PIAS1: variants seen among roughly 807,000 people sequenced by gnomAD.
PIAS1 encodes the protein protein inhibitor of activated STAT 1, also known as E3 SUMO-protein ligase PIAS1.
Under a neutral mutation model 71.3 loss-of-function variants are expected in PIAS1, and 6 were observed. The observed-to-expected ratio is 0.08, with a 90% CI of 0.05 to 0.17. The LOEUF (loss-of-function observed/expected upper bound fraction) is 0.17, where lower values mean the gene tolerates loss of function less well. Among genes scored for constraint, PIAS1 ranks in the 10% least tolerant of loss-of-function variants. The pLI is 1.00. For synonymous variants in PIAS1, 303 were observed against 292.9 expected, an observed-to-expected ratio of 1.03 and a Z score of -0.35; for missense variants, 555 against 793.6, an observed-to-expected ratio of 0.70 and a Z score of 3.61.
At chr15:68,077,471 C>T (rs575014919) in intron 1 of PIAS1, among the ~76,000 whole-genome samples, 5 of 152,192 alleles carry the variant, frequency 3.3e-5, no homozygotes, top group African/African-American at 9.6e-5. Context: ...ACCAAGAGGA[C>T]GAAATTTTAG....
rs927428754 is a variant in PIAS1 at position 68,189,848 on chromosome 15, G to A, written c.*2013G>A. ...GAATCTGGCATTATAGTGAGCAAATGTCGTATTAATTTAGGCTAATTTCTA... is the reference window on the plus strand; with the variant it reads ...GAATCTGGCATTATAGTGAGCAAATATCGTATTAATTTAGGCTAATTTCTA... On this transcript the variant is annotated 3_prime_UTR_variant, in exon 14 of 14. Coordinates refer to ENST00000249636, the MANE Select transcript of PIAS1 (RefSeq NM_016166.3). The A allele has an allele frequency of 2.0e-5, 3 of 152,084 alleles. No individual in the cohort carries two copies. Among genetic ancestry groups the A allele is most frequent in the Non-Finnish European group, 4.4e-5 (3 of 68,000 alleles). 9.4% of individuals were successfully genotyped at this position (152,084 alleles called of 1,614,324 possible).
intron 7 of PIAS1, among the ~76,000 whole-genome samples, chr15:68,160,205 C>T (rs2092915697): frequency 6.6e-6 from 1 of 152,094 alleles, no homozygotes; most frequent in East Asian, 1.9e-4. Flanking sequence ...GTCACAAACA[C>T]TCTCTTCTAT....
chr15:68,099,390 A>T (rs1169244071), intron 2 of PIAS1, among the ~76,000 whole-genome samples: 5 of 150,726 alleles, frequency 3.3e-5, no homozygotes, highest in Non-Finnish European at 5.9e-5. Flanking sequence ...TACTTTTTCC[A>T]TTGTGATTGT....
chr15:68,070,600 G>C (rs935755650), intron 1 of PIAS1, among the ~76,000 whole-genome samples: 3 of 152,116 alleles, frequency 2.0e-5, no homozygotes, highest in African/African-American at 7.2e-5. Flanking sequence ...TGGGTATTGA[G>C]AACTTGAAAT....
chr15:68,146,969 A>C (rs2092812036), intron 6 of PIAS1, among the ~76,000 whole-genome samples: 1 of 152,172 alleles, frequency 6.6e-6, no homozygotes, highest in South Asian at 2.1e-4. Flanking sequence ...TGATGATATC[A>C]TATTCCAATA....
At chr15:68,182,490 C>CGTGTGTGTGTGTGTGT (rs67774530) in intron 12 of PIAS1, among the ~76,000 whole-genome samples, 9,201 of 123,308 alleles carry the variant, frequency 0.075, 1,344 homozygotes, top group Middle Eastern at 0.091. Context: ...GCTCAGGCTG[C>CGTGTGTGTGTGTGTGT]GTGTGTGTGT....
chr15:68,145,978 T>G, intron 5 of PIAS1, 72 bp downstream of exon 5: 4 of 895,476 alleles, frequency 4.5e-6, no homozygotes. Context: ...CAACTGTTGT[T>G]AAATCATAGT....
intron 2 of PIAS1, among the ~76,000 whole-genome samples, chr15:68,127,376 T>A (rs537621753): frequency 6.6e-6 from 1 of 152,332 alleles, no homozygotes; most frequent in East Asian, 1.9e-4. Context: ...GGGGATCTGA[T>A]AACTTCATAA....
intron 1 of PIAS1, among the ~76,000 whole-genome samples, chr15:68,084,620 T>A (rs1395817109): frequency 6.6e-6 from 1 of 152,208 alleles, no homozygotes; most frequent in African/African-American, 2.4e-5. Flanking sequence ...CTGTAGATGC[T>A]ACCTCCCACC....
At chr15:68,135,044 C>T (rs1174556690) in intron 2 of PIAS1, among the ~76,000 whole-genome samples, 118 of 31,852 alleles carry the variant, frequency 3.7e-3, no homozygotes, top group African/African-American at 5.4e-3. Flanking sequence ...TAGGGGCGGC[C>T]GGGCAGAGGC....
intron 2 of PIAS1, among the ~76,000 whole-genome samples, chr15:68,134,568 G>A (rs2092707684): frequency 2.1e-5 from 1 of 47,840 alleles, no homozygotes; most frequent in Non-Finnish European, 8.9e-5. Context: ...AGGGGCGGCC[G>A]GGCAGAGGCG....
At chr15:68,068,475 G>T (rs1475836940) in intron 1 of PIAS1, among the ~76,000 whole-genome samples, 1 of 151,996 alleles carries the variant, frequency 6.6e-6, no homozygotes, top group East Asian at 1.9e-4. Flanking sequence ...TTTTGAGACT[G>T]AGTTTGCACT....
At chr15:68,055,731 G>A (rs1347213211) in intron 1 of PIAS1, 2 of 502,324 alleles carry the variant, frequency 4.0e-6, no homozygotes, top group East Asian at 6.0e-5. Flanking sequence ...TTTGGGGAGA[G>A]TCTTCTTTTT....
intron 2 of PIAS1, among the ~76,000 whole-genome samples, chr15:68,135,131 G>A (rs1214725202): frequency 1.6e-3 from 73 of 46,608 alleles, no homozygotes; most frequent in East Asian, 2.2e-3. Context: ...CGGGGCGGCT[G>A]GCCTGGCGGG....
At chr15:68,168,640 T>G (rs1172115624) in intron 8 of PIAS1, among the ~76,000 whole-genome samples, 1 of 152,020 alleles carries the variant, frequency 6.6e-6, no homozygotes, top group Non-Finnish European at 1.5e-5. Context: ...AAAATCGATA[T>G]CTGTTTTTCA....
At chr15:68,161,386 A>G (rs1439512476) in intron 7 of PIAS1, among the ~76,000 whole-genome samples, 1 of 152,172 alleles carries the variant, frequency 6.6e-6, no homozygotes, top group African/African-American at 2.4e-5. Flanking sequence ...AATCTGTAGA[A>G]TTAATCCAGT....
At position 68,086,218 on chromosome 15, in the gene PIAS1, T is replaced by G; in HGVS notation, c.25-88T>G. 1 of 894,236 alleles carries G rather than the reference T, an allele frequency of 1.1e-6. No homozygotes were observed. The highest frequency in any genetic ancestry group is 1.7e-6 in the Non-Finnish European group (1 of 598,614). The allele number at this position is 894,236 out of a possible 1,614,324, so 55.4% of individuals were successfully genotyped here. On this transcript the variant is annotated intron_variant, in intron 1 of 13. Coordinates refer to ENST00000249636, the MANE Select transcript of PIAS1 (RefSeq NM_016166.3). The surrounding 1 kb of genome is among the most constrained non-coding windows in gnomAD (Gnocchi z 7.2). ...GGCCTTTATTTGCTTAAGTAAACCATAAGAAGGGGGTTATAATAAAGTGTC... is the reference window on the plus strand; with the variant it reads ...GGCCTTTATTTGCTTAAGTAAACCAGAAGAAGGGGGTTATAATAAAGTGTC...
At chr15:68,093,585 A>C (rs528888039) in intron 2 of PIAS1, among the ~76,000 whole-genome samples, 25 of 152,336 alleles carry the variant, frequency 1.6e-4, no homozygotes, top group Middle Eastern at 3.4e-3. Context: ...CCTGAGAATA[A>C]TTTAAGTGGT....
chr15:68,058,606 C>G (rs2091922766), intron 1 of PIAS1, among the ~76,000 whole-genome samples: 1 of 152,152 alleles, frequency 6.6e-6, no homozygotes. Flanking sequence ...TGGAAAAGCT[C>G]TATGCTAGGG....
Sources: allele counts gnomAD v4.1 joint callset (sites outside exome capture counted in the v4.1 genomes callset), GRCh38; gene constraint gnomAD v4.1.1; non-coding constraint Gnocchi (gnomAD v3.1); transcripts MANE v1.5; gene names NCBI Gene and HGNC (gene_info 2026-07-23, HGNC 2026-07-21).